COG6: variants seen among roughly 807,000 people sequenced by gnomAD.
COG6 encodes conserved oligomeric Golgi complex subunit 6.
COG6 carries 74 observed loss-of-function variants against 88.8 expected under a neutral mutation model. The ratio of observed to expected loss-of-function variants is 0.83; its 90% CI spans 0.69 to 1.01. The LOEUF (loss-of-function observed/expected upper bound fraction) is 1.01, where lower values mean the gene tolerates loss of function less well. COG6 is among the 50% of genes least tolerant of loss of function. The pLI is 0.00. For synonymous variants in COG6, 286 were observed against 278.7 expected (o/e 1.03, Z -0.26); for missense variants, 800 against 797.9 (o/e 1.00, Z -0.03).
At chr13:39,719,097 C>G (rs1040289901) in intron 13 of COG6, 139 bp from the exon 14 acceptor site, 29 of 768,320 alleles carry the variant, frequency 3.8e-5, no homozygotes, top group Non-Finnish European at 4.9e-5. Context: ...TCAAAGTAAG[C>G]TATTGATAAA....
intron 13 of COG6, 103 bp downstream of exon 13, chr13:39,699,721 G>T: frequency 1.5e-6 from 1 of 676,634 alleles, no homozygotes; most frequent in East Asian, 2.7e-5. Context: ...TACATTCTGT[G>T]TTCTTTTGAG....
At chr13:39,765,072 ATG>A (rs1322379340) in intron 18 of COG6, among the ~76,000 whole-genome samples, 1 of 152,126 alleles carries the variant, frequency 6.6e-6, no homozygotes, top group Non-Finnish European at 1.5e-5. Flanking sequence ...TCTTTGAACT[ATG>A]TGTTACTTAG....
At chr13:39,745,091 C>A (rs1200911704) in intron 18 of COG6, among the ~76,000 whole-genome samples, 2 of 152,134 alleles carry the variant, frequency 1.3e-5, no homozygotes, top group Non-Finnish European at 2.9e-5. Context: ...AAAATTATTT[C>A]AAGATGGATT....
intron 13 of COG6, 125 bp downstream of exon 13, chr13:39,699,743 A>C: frequency 3.1e-6 from 2 of 641,708 alleles, no homozygotes; most frequent in Non-Finnish European, 5.7e-6. Context: ...TCTTCCTGTC[A>C]CCAACAACTT....
At chr13:39,663,128 C>A (rs1453508237) in intron 3 of COG6, among the ~76,000 whole-genome samples, 1 of 151,376 alleles carries the variant, frequency 6.6e-6, no homozygotes, top group Non-Finnish European at 1.5e-5. Context: ...ATTATTAACT[C>A]AAAAATAATC....
At chr13:39,730,798 A>AAAAAAAAAAAAAAAAAAAAAAAAAAAAC in intron 18 of COG6, among the ~76,000 whole-genome samples, 1 of 148,862 alleles carries the variant, frequency 6.7e-6, no homozygotes, top group Non-Finnish European at 1.5e-5. Context: ...AAAAAAAAAA[A>AAAAAAAAAAAAAAAAAAAAAAAAAAAAC]AGATTTAACA....
intron 13 of COG6, among the ~76,000 whole-genome samples, chr13:39,710,844 C>CTT (rs11288000): frequency 6.8e-6 from 1 of 147,848 alleles, no homozygotes; most frequent in African/African-American, 2.5e-5. Flanking sequence ...TGGTTCTTTT[C>CTT]TTTTTTTTTT....
At chr13:39,734,835 C>T (rs892596893) in intron 18 of COG6, among the ~76,000 whole-genome samples, 6 of 152,120 alleles carry the variant, frequency 3.9e-5, no homozygotes, top group African/African-American at 1.4e-4. Context: ...GAATTTACCC[C>T]TTTATCATTA....
chr13:39,730,395 G>A (rs577859732), intron 18 of COG6, among the ~76,000 whole-genome samples: 2 of 152,078 alleles, frequency 1.3e-5, no homozygotes, highest in African/African-American at 4.8e-5. Flanking sequence ...TTGTTTAGAC[G>A]AACAGAAATT....
chr13:39,740,540 C>G (rs1197806503), intron 18 of COG6, among the ~76,000 whole-genome samples: 1 of 152,158 alleles, frequency 6.6e-6, no homozygotes, highest in Non-Finnish European at 1.5e-5. Context: ...ATTTCTGATT[C>G]TAGACCCTAT....
At chr13:39,676,111 T>C (rs140584756) in intron 4 of COG6, among the ~76,000 whole-genome samples, 397 of 152,238 alleles carry the variant, frequency 2.6e-3, no homozygotes, top group African/African-American at 9.2e-3. Flanking sequence ...TAGTTTGTAA[T>C]AGAACAGTAG....
chr13:39,740,220 A>G (rs2138121585), intron 18 of COG6, among the ~76,000 whole-genome samples: 1 of 152,348 alleles, frequency 6.6e-6, no homozygotes, highest in South Asian at 2.1e-4. Flanking sequence ...TTAAATATGT[A>G]TCTAAGAAGT....
intron 18 of COG6, among the ~76,000 whole-genome samples, chr13:39,777,998 A>T (rs895563558): frequency 6.6e-6 from 1 of 152,204 alleles, no homozygotes; most frequent in Non-Finnish European, 1.5e-5. Flanking sequence ...GGTATCAGCA[A>T]GGTGGCAGCA....
intron 4 of COG6, among the ~76,000 whole-genome samples, chr13:39,665,886 G>A (rs1875227265): frequency 6.6e-6 from 1 of 152,146 alleles, no homozygotes; most frequent in African/African-American, 2.4e-5. Flanking sequence ...CTATAGTATA[G>A]ACCACAGGTT....
chr13:39,706,972 C>T (rs1425945970), intron 13 of COG6, among the ~76,000 whole-genome samples: 2 of 152,116 alleles, frequency 1.3e-5, no homozygotes, highest in African/African-American at 4.8e-5. Flanking sequence ...GCATGAGCCA[C>T]CATGCCTGGC....
chr13:39,751,883 T>C lies in COG6; in HGVS notation c.*790T>C, dbSNP rs1207353801. ...CCTGAGCTGTGTCTAAGCCTGGTGT[T>C]TAAAGATGGGTATTTGTCATACAAT... On this transcript the variant is annotated 3_prime_UTR_variant, in exon 19 of 19. Transcript: ENST00000455146. 7.8e-7 allele frequency: 1 copy of C among 1,284,018 alleles called. No individual in the cohort carries two copies. Among genetic ancestry groups the C allele is most frequent in the African/African-American group, 1.5e-5 (1 of 65,734 alleles). 79.5% of individuals were successfully genotyped at this position (1,284,018 alleles called of 1,614,324 possible). A position where few individuals can be genotyped will look rare whatever the true frequency, so the allele number is the denominator to read the frequency against.
At chr13:39,753,140 C>G (rs1880723046), downstream of COG6, among the ~76,000 whole-genome samples, 1 of 152,164 alleles carries the variant, frequency 6.6e-6, no homozygotes, top group Admixed American at 6.5e-5. Context: ...AAATCCTCAC[C>G]CCTCAGGGGA....
intron 11 of COG6, among the ~76,000 whole-genome samples, chr13:39,690,369 C>A (rs1356352037): frequency 6.6e-6 from 1 of 151,956 alleles, no homozygotes; most frequent in Non-Finnish European, 1.5e-5. Flanking sequence ...CTCTTCTGCA[C>A]CTGAATTATG....
exon 19 of COG6, chr13:39,788,564 T>C (rs1881845895): frequency 3.4e-6 from 2 of 589,036 alleles, no homozygotes; most frequent in East Asian, 5.6e-5. Flanking sequence ...CTCTTCAGAA[T>C]AATGCGGATC....
Sources: gnomAD v4.1 joint callset for allele counts (sites outside exome capture counted in the v4.1 genomes callset) on GRCh38, gnomAD v4.1.1 for gene constraint, MANE v1.5 for transcripts, NCBI Gene and HGNC (gene_info 2026-07-23, HGNC 2026-07-21) for gene names.